The following CFAP92 variants were observed in gnomAD, a reference collection of about 807,000 sequenced individuals.
The protein encoded by CFAP92 is uncharacterized protein CFAP92.
Under a neutral mutation model 106.3 loss-of-function variants are expected in CFAP92, and 86 were observed. The ratio of observed to expected loss-of-function variants is 0.81; its 90% CI spans 0.68 to 0.97. The LOEUF (loss-of-function observed/expected upper bound fraction) is 0.97. Ranked by LOEUF, CFAP92 falls within the 50% of genes least tolerant of loss-of-function variation. The pLI is 0.00. For synonymous variants in CFAP92, 477 were observed against 506.4 expected (o/e 0.94, Z 0.78); for missense variants, 1,204 against 1,283.8 (o/e 0.94, Z 0.95).
chr3:128,967,439 C>G (rs530592375), intron 8 of CFAP92: 1 of 152,212 alleles, frequency 6.6e-6, no homozygotes, highest in African/African-American at 2.4e-5. Flanking sequence ...CGGTGGCTCA[C>G]GCCTATAATC....
At chr3:129,018,796 A>G in the CFAP92 span, among the ~76,000 whole-genome samples, 3 of 152,012 alleles carry the variant, frequency 2.0e-5, no homozygotes, top group Non-Finnish European at 4.4e-5. Flanking sequence ...TTGCGAAGTG[A>G]GTCTTTCGGG....
chr3:128,947,218 C>T (rs1380316159), intron 9 of CFAP92, among the ~76,000 whole-genome samples: 1 of 148,078 alleles, frequency 6.8e-6, no homozygotes, highest in Non-Finnish European at 1.5e-5. Flanking sequence ...CTGAAAACTT[C>T]AAAGCACTGA....
At chr3:128,923,490 A>C (rs1272619975) in intron 12 of CFAP92, among the ~76,000 whole-genome samples, 2 of 152,224 alleles carry the variant, frequency 1.3e-5, no homozygotes, top group African/African-American at 4.8e-5. Flanking sequence ...AATAGGCAGG[A>C]ATATCATCGC....
intron 1 of CFAP92, 167 bp from the exon 2 acceptor site, chr3:128,993,503 A>G (rs1944350098): frequency 1.2e-5 from 8 of 651,946 alleles, no homozygotes; most frequent in East Asian, 2.8e-5. Context: ...TCGGTACTCA[A>G]TCGACTTAGA....
At chr3:128,940,759 T>C (rs953291638) in intron 10 of CFAP92, among the ~76,000 whole-genome samples, 9 of 152,174 alleles carry the variant, frequency 5.9e-5, no homozygotes, top group African/African-American at 2.2e-4. Flanking sequence ...AGTCTTGATA[T>C]CTAGTACAGC....
At chr3:128,928,489 A>C (rs974600147) in intron 12 of CFAP92, among the ~76,000 whole-genome samples, 3 of 152,244 alleles carry the variant, frequency 2.0e-5, no homozygotes, top group Admixed American at 2.0e-4. Context: ...AACATAGTTT[A>C]GAACTCAGAT....
chr3:128,925,685 G>T (rs1937596279), intron 12 of CFAP92, among the ~76,000 whole-genome samples: 1 of 151,924 alleles, frequency 6.6e-6, no homozygotes, highest in South Asian at 2.1e-4. Context: ...AAAAAATCAA[G>T]CTACAGATTT....
chr3:129,014,826 G>C, the CFAP92 span, among the ~76,000 whole-genome samples: 1 of 152,166 alleles, frequency 6.6e-6, no homozygotes. The surrounding 1 kb of genome is among the most constrained non-coding windows in gnomAD (Gnocchi z 4.3). Flanking sequence ...GCAGGTTGGA[G>C]CCAGCCTGGA....
intron 10 of CFAP92, among the ~76,000 whole-genome samples, chr3:128,937,711 G>T (rs1939192277): frequency 6.6e-6 from 1 of 152,060 alleles, no homozygotes; most frequent in Non-Finnish European, 1.5e-5. Context: ...TGTCACCATT[G>T]GGGGAGGTTG....
intron 9 of CFAP92, among the ~76,000 whole-genome samples, chr3:128,963,880 G>A (rs975482141): frequency 1.3e-5 from 2 of 151,052 alleles, no homozygotes; most frequent in African/African-American, 4.9e-5. Flanking sequence ...CATCAAGCTC[G>A]AGGATTTGCC....
chr3:128,933,744 C>T (rs1938665004), intron 11 of CFAP92, among the ~76,000 whole-genome samples: 1 of 152,206 alleles, frequency 6.6e-6, no homozygotes. Flanking sequence ...TCATAGAACC[C>T]TCAGCTACCT....
Position 128,945,848 on chromosome 3 carries a change from T to G in CFAP92, c.1481A>C (p.His494Pro), listed in dbSNP as rs1940165553. 3.3e-6 allele frequency: 5 copies of G among 1,503,102 alleles called. No homozygotes were observed. Among genetic ancestry groups the G allele is most frequent in the Non-Finnish European group, 4.4e-6 (5 of 1,133,278 alleles). 93.1% of individuals were successfully genotyped at this position (1,503,102 alleles called of 1,614,324 possible). The part of the protein sequence containing the change: ...DINVIFLGAL[H>P]PSDLREYLEG... Reference sequence around the variant, plus strand: ...CAGGTATTCCCTTAGGTCACTGGGGTGCAGTGCCCCAAGGAAGATGACGTT... The same window carrying G: ...CAGGTATTCCCTTAGGTCACTGGGGGGCAGTGCCCCAAGGAAGATGACGTT... Residue 494 changes from histidine to proline, a missense_variant, in exon 10 of 16, where the codon CAC becomes CCC. Coordinates refer to ENST00000645291, the MANE Select transcript of CFAP92 (RefSeq NM_001394090.1).
At chr3:129,017,478 C>T in the CFAP92 span, among the ~76,000 whole-genome samples, 4 of 152,244 alleles carry the variant, frequency 2.6e-5, no homozygotes, top group Non-Finnish European at 5.9e-5. Context: ...GCACCCTTGG[C>T]CGGGTCTGGA....
intron 1 of CFAP92, chr3:128,993,557 A>T: frequency 1.8e-6 from 1 of 546,762 alleles, no homozygotes; most frequent in South Asian, 2.1e-5. Flanking sequence ...GGCTGGCAGT[A>T]AGCACGACGA....
At chr3:129,006,027 T>G (rs555379388), upstream of CFAP92, among the ~76,000 whole-genome samples, 1 of 152,372 alleles carries the variant, frequency 6.6e-6, no homozygotes, top group East Asian at 1.9e-4. Context: ...AGTGGATTCA[T>G]AGCCAATGCA....
At chr3:129,015,046 C>T in the CFAP92 span, among the ~76,000 whole-genome samples, 1 of 152,194 alleles carries the variant, frequency 6.6e-6, no homozygotes, top group Non-Finnish European at 1.5e-5. Context: ...CCATCAGAAC[C>T]ACGGACCACA....
chr3:128,932,255 C>T (rs548660533), intron 12 of CFAP92, among the ~76,000 whole-genome samples: 10 of 152,260 alleles, frequency 6.6e-5, no homozygotes, highest in Non-Finnish European at 1.3e-4. Flanking sequence ...CAGCACCAGC[C>T]TTCTACCCCC....
At chr3:128,933,223 C>T (rs775868185) in intron 11 of CFAP92, among the ~76,000 whole-genome samples, 22 of 152,204 alleles carry the variant, frequency 1.4e-4, no homozygotes, top group Non-Finnish European at 2.2e-4. Context: ...AGGCTGCCCA[C>T]GGTTTGCTCT....
chr3:128,993,428 T>C, intron 1 of CFAP92, 92 bp from the exon 2 acceptor site: 1 of 1,329,102 alleles, frequency 7.5e-7, no homozygotes, highest in Non-Finnish European at 1.0e-6. Context: ...CCCACCCTTC[T>C]CTTCCCTGCT....
Sources: gnomAD v4.1 joint callset for allele counts (sites outside exome capture counted in the v4.1 genomes callset) on GRCh38, gnomAD v4.1.1 for gene constraint, Gnocchi (gnomAD v3.1) non-coding constraint, MANE v1.5 for transcripts, NCBI Gene and HGNC (gene_info 2026-07-23, HGNC 2026-07-21) for gene names.